Variants in SPECC1 observed in about 807,000 individuals in gnomAD.
The protein encoded by SPECC1 is sperm antigen with calponin homology and coiled-coil domains 1.
A neutral mutation model predicts 104.1 loss-of-function variants in SPECC1; 62 were observed. That is an observed-to-expected ratio of 0.60 (90% CI 0.49 to 0.74). The LOEUF (loss-of-function observed/expected upper bound fraction) is 0.74, where lower values mean the gene tolerates loss of function less well. Among genes scored for constraint, SPECC1 ranks in the 30% least tolerant of loss-of-function variants. The pLI is 0.00. For synonymous variants in SPECC1, 513 were observed against 501.6 expected (o/e 1.02, Z -0.30); for missense variants, 1,306 against 1,310.5 (o/e 1.00, Z 0.05).
chr17:20,282,017 A>G (rs1202048242), intron 12 of SPECC1, among the ~76,000 whole-genome samples: 1 of 152,202 alleles, frequency 6.6e-6, no homozygotes, highest in Non-Finnish European at 1.5e-5. Flanking sequence ...TGCCAGTGGA[A>G]CTGCTGTTGG....
intron 1 of SPECC1, among the ~76,000 whole-genome samples, chr17:20,079,012 C>G (rs184907338): frequency 2.0e-5 from 3 of 152,326 alleles, no homozygotes; most frequent in Admixed American, 2.0e-4. Flanking sequence ...GCTGTAGAAG[C>G]TCAAGGTTGG....
chr17:20,216,834 T>G (rs956408196), intron 4 of SPECC1, among the ~76,000 whole-genome samples: 7 of 151,772 alleles, frequency 4.6e-5, no homozygotes, highest in South Asian at 2.1e-4. Flanking sequence ...TGTCTAAGAG[T>G]GTGATTCTTG....
intron 12 of SPECC1, among the ~76,000 whole-genome samples, chr17:20,265,064 A>G (rs1156527077): frequency 6.6e-6 from 1 of 152,062 alleles, no homozygotes; most frequent in Non-Finnish European, 1.5e-5. Context: ...TGTTTTTTCT[A>G]CTGTGAACAG....
chr17:20,266,301 G>A (rs956013326), intron 12 of SPECC1, among the ~76,000 whole-genome samples: 1 of 152,138 alleles, frequency 6.6e-6, no homozygotes, highest in African/African-American at 2.4e-5. Context: ...TAGGTGCTGG[G>A]GGCCGGGCGC....
intron 1 of SPECC1, among the ~76,000 whole-genome samples, chr17:20,057,104 A>C (rs899559501): frequency 7.9e-5 from 12 of 152,172 alleles, no homozygotes; most frequent in African/African-American, 2.9e-4. Context: ...GGCCACTTTC[A>C]GCATTCTTTC....
At chr17:20,286,899 A>G (rs1598144156) in intron 12 of SPECC1, among the ~76,000 whole-genome samples, 1 of 151,764 alleles carries the variant, frequency 6.6e-6, no homozygotes, top group African/African-American at 2.4e-5. Flanking sequence ...CTTCCCTCCA[A>G]CCCCCACGAA....
intron 5 of SPECC1, among the ~76,000 whole-genome samples, chr17:20,228,324 A>G (rs944494106): frequency 1.3e-5 from 2 of 152,132 alleles, no homozygotes; most frequent in Non-Finnish European, 2.9e-5. Context: ...AAGCACTGGG[A>G]TTACAGGTGT....
chr17:20,254,181 G>GTA (rs1394817926), intron 10 of SPECC1, among the ~76,000 whole-genome samples: 2 of 145,446 alleles, frequency 1.4e-5, no homozygotes, highest in African/African-American at 5.1e-5. Flanking sequence ...GTGTGTATTT[G>GTA]TTTTTTGTTT....
intron 1 of SPECC1, among the ~76,000 whole-genome samples, chr17:20,044,720 G>A (rs1175591044): frequency 6.6e-6 from 1 of 152,142 alleles, no homozygotes; most frequent in African/African-American, 2.4e-5. Context: ...CCAAATGAAA[G>A]GGTAGTTTCA....
chr17:20,112,977 A>G, intron 3 of SPECC1: 1 of 1,135,550 alleles, frequency 8.8e-7, no homozygotes, highest in South Asian at 1.2e-5. Context: ...CACATGTCAC[A>G]AAGTGTTAGA....
intron 3 of SPECC1, among the ~76,000 whole-genome samples, chr17:20,130,887 T>C (rs1378368161): frequency 6.6e-6 from 1 of 152,230 alleles, no homozygotes; most frequent in East Asian, 1.9e-4. Flanking sequence ...TTTAGATCTT[T>C]GATTTCTTTC....
intron 4 of SPECC1, among the ~76,000 whole-genome samples, chr17:20,219,318 TTCATGACTTTTGAATAAAAG>T (rs1385612765): frequency 2.0e-5 from 3 of 152,324 alleles, no homozygotes; most frequent in Admixed American, 2.0e-4. Context: ...GCATTTGTCA[TTCATGACTTTTGAATAAAAG>T]TCATGACTTT....
chr17:20,222,023 T>C (rs891639406), intron 4 of SPECC1, among the ~76,000 whole-genome samples: 1 of 151,796 alleles, frequency 6.6e-6, no homozygotes, highest in South Asian at 2.1e-4. Flanking sequence ...TCAGTTTTTT[T>C]TTTTTTTTTT....
In SPECC1 at chr17:20,279,799, T is replaced by C. The variant is rs1475138488; in HGVS notation, c.2941-17162T>C. ...GGTCTCCCAGCCAGAGCTGTGGTTT[T>C]GGAAGACATGAGGAAGACCACAACT... On this transcript the variant is annotated intron_variant, in intron 12 of 14. Transcript: ENST00000395527. 1.2e-4 allele frequency among the ~76,000 whole-genome samples: 18 copies of C among 152,170 alleles called. 1 individual carries two copies.
chr17:20,101,926 T>C (rs1211001694), intron 2 of SPECC1, among the ~76,000 whole-genome samples: 1 of 152,244 alleles, frequency 6.6e-6, no homozygotes, highest in African/African-American at 2.4e-5. Context: ...CTTTGTGGAA[T>C]TGAGAGGAAT....
At chr17:20,223,664 CTT>C in intron 4 of SPECC1, among the ~76,000 whole-genome samples, 1 of 149,404 alleles carries the variant, frequency 6.7e-6, no homozygotes, top group East Asian at 2.0e-4. Flanking sequence ...CAGAGCAAGA[CTT>C]TGTCTCAAAA....
chr17:20,030,596 T>A (rs2044770553), intron 1 of SPECC1, among the ~76,000 whole-genome samples: 1 of 152,198 alleles, frequency 6.6e-6, no homozygotes, highest in Non-Finnish European at 1.5e-5. Context: ...TAATATTTTA[T>A]GCAATTGCTT....
Position 20,204,406 on chromosome 17 carries a change from G to A in SPECC1, c.357G>A (p.Arg119=). The A allele has an allele frequency of 6.2e-7, 1 of 1,614,090 alleles. No homozygotes were observed. Among genetic ancestry groups the A allele is most frequent in the East Asian group, 2.2e-5 (1 of 44,882 alleles). ...TTTCAGTAACTGTCTCAAGAGAGAG[G>A]TCTGTGCCACGTGGTCCCTCCAACC... ...REFSVTVSRE[R]SVPRGPSNPR... Residue 119 remains arginine (R), a synonymous_variant, in exon 4 of 15, where the codon AGG becomes AGA. Coordinates refer to ENST00000395527, the MANE Select transcript of SPECC1 (RefSeq NM_001243439.2).
intron 1 of SPECC1, among the ~76,000 whole-genome samples, chr17:20,081,811 A>G (rs940681723): frequency 1.3e-5 from 2 of 152,014 alleles, no homozygotes; most frequent in African/African-American, 2.4e-5. Flanking sequence ...TGAGTTTCCC[A>G]CATTACAACA....
Sources: gnomAD v4.1 joint callset for allele counts (sites outside exome capture counted in the v4.1 genomes callset) on GRCh38, gnomAD v4.1.1 for gene constraint, MANE v1.5 for transcripts, NCBI Gene and HGNC (gene_info 2026-07-23, HGNC 2026-07-21) for gene names.